Variants in ZNF517 observed in about 807,000 individuals in gnomAD.
ZNF517 encodes zinc finger protein 517.
ZNF517 carries 12 observed loss-of-function variants against 12.1 expected under a neutral mutation model. The observed-to-expected ratio is 0.99, with a 90% CI of 0.63 to 1.61. The LOEUF is 1.61. Among genes scored for constraint, ZNF517 ranks in the 40% most tolerant of loss-of-function variants. The probability of loss-of-function intolerance (pLI) is 0.00; values close to 1 mark genes in which losing one functional copy is unlikely to be tolerated. For synonymous variants in ZNF517, 388 were observed against 310.2 expected (o/e 1.25, Z -2.63); for missense variants, 781 against 693.2 (o/e 1.13, Z -1.42).
Position 144,805,813 on chromosome 8 carries a change from G to A in ZNF517, c.275-1378G>A, listed in dbSNP as rs188169690. ...TTTTTTGTATTTTTAATAGAGACGA[G>A]GTTTCACCATGTTAGCGAGGATGGT... On this transcript the variant is annotated intron_variant, in intron 4 of 4. Transcript: ENST00000359971. 2.0e-3 allele frequency among the ~76,000 whole-genome samples: 303 copies of A among 148,800 alleles called. 3 individuals are homozygous for A. The highest frequency in any genetic ancestry group is 7.1e-3 in the African/African-American group (285 of 40,350).
At chr8:144,802,402 C>G (rs1827010850) in intron 1 of ZNF517, among the ~76,000 whole-genome samples, 1 of 152,226 alleles carries the variant, frequency 6.6e-6, no homozygotes, top group South Asian at 2.1e-4. Context: ...TAATTTTGCT[C>G]TAACCAGTCA....
rs1563811271 is a variant in ZNF517, at chr8:144,808,095, G to A, written c.1179G>A (p.Glu393=). 1 of 1,611,826 alleles carries A rather than the reference G, an allele frequency of 6.2e-7. No homozygotes were observed. The highest frequency in any genetic ancestry group is 1.7e-5 in the Admixed American group (1 of 59,896). The change falls in exon 5 of 5, where the codon GAG becomes GAA. Residue 393 remains glutamate (E), a synonymous_variant. Transcript: ENST00000359971. ...TGCACCTGCGCCTACACACGGGCGA[G>A]AAGCCGTTCGAGTGCGCGGAGTGCG... is the stretch of plus-strand genomic sequence containing the variant. ...LLLHLRLHTG[E]KPFECAECGK...
Position 144,807,582 on chromosome 8 carries a change from GCACC to G in ZNF517, c.667_670del (p.His223SerfsTer2). The G allele has an allele frequency of 1.2e-6, 2 of 1,603,888 alleles. No individual in the cohort carries two copies. Among genetic ancestry groups the G allele is most frequent in the Non-Finnish European group, 1.7e-6 (2 of 1,175,810 alleles). On this transcript the variant is annotated frameshift_variant, in exon 5 of 5. Coordinates refer to ENST00000359971, the MANE Select transcript of ZNF517 (RefSeq NM_213605.3). LOFTEE classifies it low-confidence loss of function (END_TRUNC). ...TCAAGCAAAGCTCCATCCTGCTGCG[GCACC>G]AGCTGATCCACACTGAGGAGAAGCC... is the stretch of plus-strand genomic sequence containing the variant.
chr8:144,799,906 C>A (rs1826873388), intron 1 of ZNF517, among the ~76,000 whole-genome samples: 1 of 152,228 alleles, frequency 6.6e-6, no homozygotes, highest in Non-Finnish European at 1.5e-5. Context: ...CGCCACTGGT[C>A]TCCAGGCTGG....
rs763372111 is a variant in ZNF517 at position 144,807,832 on chromosome 8, G to A, written c.916G>A (p.Glu306Lys). The change falls in exon 5 of 5, where the codon GAG (glutamate) becomes AAG (lysine). Residue 306 changes from glutamate to lysine, a missense_variant. By Grantham distance (56) the Glu-to-Lys change is moderately conservative. Coordinates refer to ENST00000359971, the MANE Select transcript of ZNF517 (RefSeq NM_213605.3). ...KAFCRRFTLNEHGRIHSGERP... is the reference protein window; with the variant it reads ...KAFCRRFTLNKHGRIHSGERP... The stretch of plus-strand genomic sequence containing the variant: ...GTTCTGCCGCAGGTTCACCCTCAAC[G>A]AGCACGGCCGCATCCACAGCGGGGA... 4.4e-6 allele frequency: 7 copies of A among 1,604,426 alleles called. No homozygotes were observed. Among genetic ancestry groups the A allele is most frequent in the Non-Finnish European group, 6.0e-6 (7 of 1,175,782 alleles).
intron 1 of ZNF517, among the ~76,000 whole-genome samples, chr8:144,801,031 G>A (rs1284776819): frequency 3.9e-5 from 6 of 152,114 alleles, no homozygotes; most frequent in African/African-American, 1.4e-4. Context: ...GTTTCACCAT[G>A]TTGGCCAGGC....
intron 4 of ZNF517, 85 bp from the exon 5 acceptor site, chr8:144,807,106 A>T: frequency 6.8e-7 from 1 of 1,477,814 alleles, no homozygotes; most frequent in South Asian, 1.4e-5. Flanking sequence ...AGACTTGGGA[A>T]TAAAAAGGTT....
At chr8:144,800,640 T>TG in intron 1 of ZNF517, 2 of 985,336 alleles carry the variant, frequency 2.0e-6, no homozygotes, top group Non-Finnish European at 2.4e-6. Flanking sequence ...GGACAGACAG[T>TG]GAGTGGGGGC....
downstream of ZNF517, among the ~76,000 whole-genome samples, chr8:144,812,525 C>G (rs2130481055): frequency 6.6e-6 from 1 of 152,260 alleles, no homozygotes; most frequent in Middle Eastern, 3.4e-3. Flanking sequence ...CAGTAAAGCT[C>G]AGCCAGGTGC....
intron 4 of ZNF517, among the ~76,000 whole-genome samples, chr8:144,804,895 G>A (rs1302263914): frequency 6.6e-6 from 1 of 152,224 alleles, no homozygotes; most frequent in South Asian, 2.1e-4. Context: ...CTGCTGTCTA[G>A]AAGGCAGAGC....
chr8:144,804,015 G>A (rs1827101094), intron 3 of ZNF517, 110 bp from the exon 4 acceptor site: 2 of 1,181,424 alleles, frequency 1.7e-6, no homozygotes, highest in African/African-American at 1.5e-5. Flanking sequence ...GATAGTGAAT[G>A]TTCCTGACCC....
chr8:144,810,388 G>A (rs766293388), downstream of ZNF517: 4 of 440,240 alleles, frequency 9.1e-6, no homozygotes, highest in African/African-American at 2.0e-5. Flanking sequence ...CACAGTCTGT[G>A]CCAGGGGCTG....
Position 144,807,657 on chromosome 8 carries a change from G to A in ZNF517, c.741G>A (p.Gln247=), listed in dbSNP as rs1311343381. The change falls in exon 5 of 5, where the codon CAG becomes CAA. Residue 247 remains glutamine (Q), a synonymous_variant. Coordinates refer to ENST00000359971, the MANE Select transcript of ZNF517 (RefSeq NM_213605.3). ...ECGKAFRQST[Q]LAAHHRVHTR... is the part of the protein sequence containing the mutation. ...GGAAGGCCTTCCGGCAGAGCACGCAGCTGGCTGCCCACCACCGCGTCCACA... is the reference window on the plus strand; with the variant it reads ...GGAAGGCCTTCCGGCAGAGCACGCAACTGGCTGCCCACCACCGCGTCCACA... 1.2e-6 allele frequency: 2 copies of A among 1,608,728 alleles called. No homozygotes were observed. The highest frequency in any genetic ancestry group is 3.3e-5 in the Admixed American group (2 of 59,808).
chr8:144,801,468 G>A (rs1243743904), intron 1 of ZNF517, among the ~76,000 whole-genome samples: 1 of 152,038 alleles, frequency 6.6e-6, no homozygotes, highest in African/African-American at 2.4e-5. Context: ...TTGCACCATT[G>A]CACTCCCGCC....
At chr8:144,802,663 AAGGTGAG>A in intron 1 of ZNF517, 200 bp from the exon 2 acceptor site, 1 of 757,238 alleles carries the variant, frequency 1.3e-6, no homozygotes, top group Non-Finnish European at 1.6e-6. Context: ...GCCTCCCAGC[AAGGTGAG>A]AGCCAGAAAA....
chr8:144,806,349 A>G (rs1827224509), intron 4 of ZNF517, among the ~76,000 whole-genome samples: 2 of 152,222 alleles, frequency 1.3e-5, no homozygotes, highest in East Asian at 3.8e-4. Context: ...CTTGCACCTC[A>G]TGCCTGGCCT....
At chr8:144,803,435 G>A (rs1827065514) in intron 2 of ZNF517, 2 of 626,782 alleles carry the variant, frequency 3.2e-6, no homozygotes, top group South Asian at 4.7e-5. Context: ...CCCAAGTTCA[G>A]TTTTTCCCTC....
rs1243437983 is a variant in ZNF517 at position 144,804,169 on chromosome 8, G to A, written c.205G>A (p.Gly69Arg). The A allele has an allele frequency of 6.2e-7, 1 of 1,614,196 alleles. No homozygotes were observed. The highest frequency in any genetic ancestry group is 1.7e-5 in the Admixed American group (1 of 60,030). ...KPALISLLEQ[G>R]EEPGALILQV... is the part of the protein sequence containing the mutation. Reference sequence around the variant, plus strand: ...AGCACTGATCTCCCTATTGGAGCAAGGAGAGGAGCCGGGGGCCTTGATTCT... The same window carrying A: ...AGCACTGATCTCCCTATTGGAGCAAAGAGAGGAGCCGGGGGCCTTGATTCT... The change falls in exon 4 of 5, where the codon GGA (glycine) becomes AGA (arginine). Residue 69 changes from glycine to arginine, a missense_variant. Gly to Arg is a moderately radical substitution (Grantham distance 125). Transcript: ENST00000359971.
At chr8:144,807,146 G>T in intron 4 of ZNF517, 45 bp from the exon 5 acceptor site, 1 of 1,508,692 alleles carries the variant, frequency 6.6e-7, no homozygotes, top group Non-Finnish European at 8.9e-7. Context: ...TCGTTTGTGA[G>T]TGTAGAGGCT....
Sources: allele counts gnomAD v4.1 joint callset (sites outside exome capture counted in the v4.1 genomes callset), GRCh38; gene constraint gnomAD v4.1.1; transcripts MANE v1.5; gene names NCBI Gene and HGNC (gene_info 2026-07-23, HGNC 2026-07-21).